The following LRRC56 variants were observed in gnomAD, a reference collection of about 807,000 sequenced individuals.
The protein encoded by LRRC56 is leucine-rich repeat-containing protein 56.
Under a neutral mutation model 47.8 loss-of-function variants are expected in LRRC56, and 41 were observed. That is an observed-to-expected ratio of 0.86 (90% confidence interval 0.67 to 1.11). The LOEUF is 1.11. LRRC56 is among the 50% of genes most tolerant of loss of function. The pLI, the probability that LRRC56 is intolerant of heterozygous loss-of-function variation, is 0.00. For missense variants in LRRC56, 759 were observed against 704.2 expected (o/e 1.08, Z -0.88); for synonymous variants, 387 against 311.2 (o/e 1.24, Z -2.56).
At chr11:521,891 GAT>G in the LRRC56 span, among the ~76,000 whole-genome samples, 1 of 149,038 alleles carries the variant, frequency 6.7e-6, no homozygotes, top group Non-Finnish European at 1.5e-5. Flanking sequence ...CTCCAGCCTG[GAT>G]GACAGAGCAA....
At chr11:536,197 T>C (rs1389715370), upstream of LRRC56, among the ~76,000 whole-genome samples, 2 of 152,200 alleles carry the variant, frequency 1.3e-5, no homozygotes, top group Non-Finnish European at 2.9e-5. Context: ...CCGTGTGCCC[T>C]GGGGCCAGGC....
At chr11:543,052 C>G (rs1467897408) in intron 5 of LRRC56, among the ~76,000 whole-genome samples, 1 of 151,784 alleles carries the variant, frequency 6.6e-6, no homozygotes, top group African/African-American at 2.4e-5. Flanking sequence ...CCACCACGCC[C>G]AGCTGATTTC....
chr11:554,190 T>A lies in LRRC56; in HGVS notation c.1543T>A (p.Cys515Ser). 1 of 1,563,298 alleles carries A rather than the reference T, an allele frequency of 6.4e-7. No homozygotes were observed. Among genetic ancestry groups the A allele is most frequent in the Non-Finnish European group, 8.7e-7 (1 of 1,155,714 alleles). ...ASRLSPRAQG[C>S]PGPKPAPDAA... The stretch of plus-strand genomic sequence containing the variant: ...ACGCCTGAGCCCTCGAGCCCAGGGA[T>A]GTCCTGGCCCAAAGCCAGCACCAGA... The change falls in exon 14 of 14, where the codon TGT becomes AGT. Residue 515 changes from cysteine (C) to serine (S), a missense_variant. Physicochemically the swap from Cys to Ser is moderately radical, Grantham distance 112. Coordinates refer to ENST00000270115, the MANE Select transcript of LRRC56 (RefSeq NM_198075.4).
chr11:518,438 C>T, the LRRC56 span, among the ~76,000 whole-genome samples: 3 of 152,194 alleles, frequency 2.0e-5, no homozygotes, highest in Admixed American at 2.0e-4. Flanking sequence ...GCCTCGGCCT[C>T]GCAAAGTGCT....
At chr11:523,631 A>G in the LRRC56 span, among the ~76,000 whole-genome samples, 4 of 136,784 alleles carry the variant, frequency 2.9e-5, no homozygotes, top group Non-Finnish European at 6.3e-5. Context: ...CATCTAAAAA[A>G]AAAAAAGCCG....
rs539690250 is a variant in LRRC56 at position 545,840 on chromosome 11, A to G, written c.326+1060A>G. Among the ~76,000 whole-genome samples, 8 of 152,340 alleles carry G rather than the reference A, an allele frequency of 5.3e-5. No homozygotes were observed. The South Asian group carries it at 1.7e-3, about 32-fold the overall frequency. On this transcript the variant is annotated intron_variant, in intron 6 of 13. Coordinates refer to ENST00000270115, the MANE Select transcript of LRRC56 (RefSeq NM_198075.4). Reference sequence around the variant, plus strand: ...AGGGGAATTCCAGGCAGAATTCTAGAACATTCTCCAGCTGTGTGAATTGGG... The same window carrying G: ...AGGGGAATTCCAGGCAGAATTCTAGGACATTCTCCAGCTGTGTGAATTGGG...
At chr11:508,193 T>G in the LRRC56 span, among the ~76,000 whole-genome samples, 1 of 152,216 alleles carries the variant, frequency 6.6e-6, no homozygotes, top group Non-Finnish European at 1.5e-5. Context: ...CGAGACAGGG[T>G]CTCACTCCAC....
At chr11:519,085 A>T in the LRRC56 span, among the ~76,000 whole-genome samples, 1 of 152,172 alleles carries the variant, frequency 6.6e-6, no homozygotes, top group East Asian at 1.9e-4. Context: ...TCCGCCAAAA[A>T]CCTGCTGTCT....
the LRRC56 span, chr11:528,386 A>G: frequency 6.6e-6 from 1 of 152,180 alleles, no homozygotes; most frequent in Admixed American, 6.5e-5. Context: ...TCGGCAGCCC[A>G]GCAGGGCCTG....
At chr11:508,864 T>G in the LRRC56 span, among the ~76,000 whole-genome samples, 1 of 151,256 alleles carries the variant, frequency 6.6e-6, no homozygotes, top group Non-Finnish European at 1.5e-5. Context: ...GCCAAGATGA[T>G]GAAACCCCAT....
chr11:552,060 A>G (rs1564807662), intron 11 of LRRC56, 30 bp from the exon 12 acceptor site: 2 of 1,604,614 alleles, frequency 1.2e-6, no homozygotes, highest in Admixed American at 3.3e-5. Flanking sequence ...CAGGGCCAGA[A>G]TCCCTAAAGC....
rs1852416561 is a variant in LRRC56, at chr11:551,927, A to AC, written c.1002dup (p.Thr335HisfsTer8). 1 of 1,612,402 alleles carries AC rather than the reference A, an allele frequency of 6.2e-7. No homozygotes were observed. Among genetic ancestry groups the AC allele is most frequent in the South Asian group, 1.1e-5 (1 of 91,088 alleles). ...GGTGCTGGCCAAGTCCTCTGTGGGA[A>AC]CCCCACCAAGGGCCTGCGGGAGCGT... On this transcript the variant is annotated frameshift_variant, in exon 11 of 14. Transcript: ENST00000270115. LOFTEE classifies it high-confidence loss of function.
chr11:522,728 C>T, the LRRC56 span, among the ~76,000 whole-genome samples: 1 of 152,176 alleles, frequency 6.6e-6, no homozygotes, highest in Admixed American at 6.6e-5. Flanking sequence ...TAAATAAATT[C>T]TGACATTCTC....
Position 541,765 on chromosome 11 carries a change from GA to G in LRRC56, c.265+142del. 1 of 553,486 alleles carries G rather than the reference GA, an allele frequency of 1.8e-6. No homozygotes were observed. Among genetic ancestry groups the G allele is most frequent in the Non-Finnish European group, 3.2e-6 (1 of 317,242 alleles). 34.3% of individuals were successfully genotyped at this position (553,486 alleles called of 1,614,324 possible). A position where few individuals can be genotyped will look rare whatever the true frequency, so the allele number is the denominator to read the frequency against. ...CTTCCTTAGGGTTGGCCTCTGACCT[GA>G]GGTCTGTGTCAGGTACAGGCAGAGG... On this transcript the variant is annotated intron_variant, in intron 5 of 13. Transcript: ENST00000270115. This position sits in a 1 kb window ranked among gnomAD's most constrained non-coding sequence, Gnocchi z 4.1.
At chr11:545,391 G>A (rs545777254) in intron 6 of LRRC56, among the ~76,000 whole-genome samples, 1 of 152,218 alleles carries the variant, frequency 6.6e-6, no homozygotes, top group African/African-American at 2.4e-5. Flanking sequence ...ATGAGGCCAC[G>A]AGCTTGGGGT....
chr11:535,524 T>TGCGGCTCGGGTTGCGGGC (rs1228485420), upstream of LRRC56: 14 of 146,578 alleles, frequency 9.6e-5, no homozygotes, highest in Non-Finnish European at 2.0e-4. Context: ...CCGCGGCGGG[T>TGCGGCTCGGGTTGCGGGC]GCGGCTCGGG....
chr11:544,633 G>A (rs1851981937), intron 5 of LRRC56, 87 bp from the exon 6 acceptor site: 2 of 1,375,196 alleles, frequency 1.5e-6, no homozygotes, highest in African/African-American at 1.4e-5. Context: ...TGAGGGGCCG[G>A]GGGTGCTGAT....
At chr11:510,952 A>G in the LRRC56 span, among the ~76,000 whole-genome samples, 1 of 152,096 alleles carries the variant, frequency 6.6e-6, no homozygotes, top group South Asian at 2.1e-4. Context: ...CTTTTTAACA[A>G]AGTATGAGAT....
At chr11:506,737 G>A in the LRRC56 span, 1 of 152,322 alleles carries the variant, frequency 6.6e-6, no homozygotes, top group Non-Finnish European at 1.5e-5. Context: ...GCTCGGCTGG[G>A]CCAGGATTGC....
Sources: gnomAD v4.1 joint callset for allele counts (sites outside exome capture counted in the v4.1 genomes callset) on GRCh38, gnomAD v4.1.1 for gene constraint, Gnocchi (gnomAD v3.1) non-coding constraint, MANE v1.5 for transcripts, NCBI Gene and HGNC (gene_info 2026-07-23, HGNC 2026-07-21) for gene names.